Variants in AGBL4 observed in about 807,000 individuals in gnomAD.
AGBL4 encodes the protein AGBL carboxypeptidase 4, also known as cytosolic carboxypeptidase 6.
In AGBL4, 58 loss-of-function variants were observed where a neutral mutation model predicts 66.4. That is an observed-to-expected ratio of 0.87 (90% CI 0.71 to 1.09). The LOEUF (loss-of-function observed/expected upper bound fraction) is 1.09, where lower values mean the gene tolerates loss of function less well. Ranked by LOEUF, AGBL4 falls within the 50% of genes least tolerant of loss-of-function variation. The pLI, the probability that AGBL4 is intolerant of heterozygous loss-of-function variation, is 0.00. For synonymous variants in AGBL4, 234 were observed against 222.9 expected (o/e 1.05, Z -0.44); for missense variants, 579 against 631.0 (o/e 0.92, Z 0.88).
chr1:49,424,241 C>T (rs188446206), intron 3 of AGBL4, among the ~76,000 whole-genome samples: 34 of 152,168 alleles, frequency 2.2e-4, no homozygotes, highest in African/African-American at 5.3e-4. Flanking sequence ...ATGCTTATGA[C>T]GAAACAAACA....
chr1:49,563,777 TG>T (rs1489760123), intron 3 of AGBL4, among the ~76,000 whole-genome samples: 1 of 152,112 alleles, frequency 6.6e-6, no homozygotes, highest in Non-Finnish European at 1.5e-5. Flanking sequence ...TCTCTTTTTT[TG>T]TTGTGTCTTT....
chr1:48,916,565 C>G (rs576161099), intron 5 of AGBL4, among the ~76,000 whole-genome samples: 4 of 152,080 alleles, frequency 2.6e-5, no homozygotes, highest in African/African-American at 7.2e-5. Context: ...CACACACACA[C>G]AGATACCTTT....
At chr1:48,527,284 C>T in the AGBL4 span, among the ~76,000 whole-genome samples, 6 of 151,944 alleles carry the variant, frequency 3.9e-5, no homozygotes, top group Non-Finnish European at 5.9e-5. Context: ...GGGGAGGTGA[C>T]AATCAGCTGA....
intron 1 of AGBL4, among the ~76,000 whole-genome samples, chr1:49,948,111 A>T (rs1178036863): frequency 1.2e-5 from 1 of 83,340 alleles, no homozygotes; most frequent in Non-Finnish European, 2.1e-5. Flanking sequence ...TATATATGTA[A>T]ATGTATGTAA....
At chr1:48,853,139 C>T (rs974158075) in intron 6 of AGBL4, among the ~76,000 whole-genome samples, 1 of 152,158 alleles carries the variant, frequency 6.6e-6, no homozygotes, top group Non-Finnish European at 1.5e-5. Context: ...CATGTTGTGA[C>T]TCAAGCAGCC....
At chr1:49,155,542 G>A (rs1646413183) in intron 4 of AGBL4, among the ~76,000 whole-genome samples, 1 of 152,092 alleles carries the variant, frequency 6.6e-6, no homozygotes, top group Non-Finnish European at 1.5e-5. Context: ...TAAGTGATGG[G>A]CCAGAATTTC....
intron 5 of AGBL4, among the ~76,000 whole-genome samples, chr1:48,951,193 T>C (rs1483787536): frequency 1.3e-5 from 2 of 152,130 alleles, no homozygotes; most frequent in African/African-American, 4.8e-5. Flanking sequence ...AGTCAGTCCA[T>C]GTGGACTGGC....
intron 1 of AGBL4, among the ~76,000 whole-genome samples, chr1:49,927,071 G>GT (rs973926149): frequency 2.3e-4 from 35 of 152,156 alleles, no homozygotes; most frequent in African/African-American, 7.2e-4. Flanking sequence ...GTCTTTTCAC[G>GT]TTTTTTCTGC....
At chr1:48,950,474 T>C (rs1000327957) in intron 5 of AGBL4, among the ~76,000 whole-genome samples, 2 of 152,198 alleles carry the variant, frequency 1.3e-5, no homozygotes, top group African/African-American at 2.4e-5. Context: ...GCTAGCCAAA[T>C]GTAAGTACTT....
At chr1:49,352,577 C>G (rs1046631152) in intron 3 of AGBL4, among the ~76,000 whole-genome samples, 2 of 151,846 alleles carry the variant, frequency 1.3e-5, no homozygotes, top group Non-Finnish European at 2.9e-5. Flanking sequence ...TTCTGGAAGC[C>G]ATAGGTCTGA....
intron 4 of AGBL4, among the ~76,000 whole-genome samples, chr1:49,197,851 T>C (rs1224903644): frequency 3.9e-5 from 6 of 152,178 alleles, no homozygotes; most frequent in African/African-American, 1.2e-4. Context: ...ATTCATTTCT[T>C]GGTTCTGGCT....
At chr1:49,038,195 G>T (rs1051946836) in intron 5 of AGBL4, among the ~76,000 whole-genome samples, 2 of 152,018 alleles carry the variant, frequency 1.3e-5, no homozygotes, top group African/African-American at 4.8e-5. Context: ...TACATGGTAG[G>T]TATTTAATAA....
At chr1:48,570,287 C>T (rs1644540095) in intron 11 of AGBL4, among the ~76,000 whole-genome samples, 1 of 152,226 alleles carries the variant, frequency 6.6e-6, no homozygotes, top group Non-Finnish European at 1.5e-5. Context: ...AAAACCAAAG[C>T]AGAGTGAAGG....
At chr1:49,278,248 T>G (rs1644209104) in intron 3 of AGBL4, among the ~76,000 whole-genome samples, 1 of 152,130 alleles carries the variant, frequency 6.6e-6, no homozygotes, top group Non-Finnish European at 1.5e-5. Flanking sequence ...AGTAGAAAAT[T>G]TATCTCCTCT....
intron 3 of AGBL4, among the ~76,000 whole-genome samples, chr1:49,491,047 T>C (rs1647176004): frequency 6.6e-6 from 1 of 151,784 alleles, no homozygotes. Flanking sequence ...ATACATACCA[T>C]GTCTCTATTC....
rs576903001 is a variant in AGBL4, at chr1:49,547,934, C to T, written c.282+149379G>A. Among the ~76,000 whole-genome samples the T allele has an allele frequency of 2.0e-3, 297 of 152,010 alleles. 2 individuals are homozygous for T. Among genetic ancestry groups the T allele is most frequent in the African/African-American group, 6.6e-3 (275 of 41,460 alleles). ...GATTACAGGCGTGCACCACCATGCC[C>T]GGCTAGTTTTTGTATTTTTAGTAGA... is the stretch of plus-strand genomic sequence containing the variant. On this transcript the variant is annotated intron_variant, in intron 3 of 13. Coordinates refer to ENST00000371839, the MANE Select transcript of AGBL4 (RefSeq NM_032785.4).
intron 1 of AGBL4, among the ~76,000 whole-genome samples, chr1:49,943,362 C>A (rs1654937022): frequency 6.6e-6 from 1 of 152,106 alleles, no homozygotes. Context: ...AGAACTACTG[C>A]AGGAATAAAT....
intron 6 of AGBL4, among the ~76,000 whole-genome samples, chr1:48,847,831 C>T (rs1466820086): frequency 6.6e-6 from 1 of 152,074 alleles, no homozygotes; most frequent in African/African-American, 2.4e-5. Context: ...AAACACAGAA[C>T]CTGGTACACA....
chr1:48,720,447 C>T (rs1210878379), intron 6 of AGBL4, among the ~76,000 whole-genome samples: 1 of 152,160 alleles, frequency 6.6e-6, no homozygotes, highest in Admixed American at 6.5e-5. Context: ...ATTAAGACAC[C>T]AGACATTGGA....
Sources: gnomAD v4.1 joint callset for allele counts (sites outside exome capture counted in the v4.1 genomes callset) on GRCh38, gnomAD v4.1.1 for gene constraint, MANE v1.5 for transcripts, NCBI Gene and HGNC (gene_info 2026-07-23, HGNC 2026-07-21) for gene names.